The following UNCX variants were observed in gnomAD, a reference collection of about 807,000 sequenced individuals.
UNCX encodes the protein UNC homeobox, also known as homeobox protein unc-4 homolog.
In UNCX, 4 loss-of-function variants were observed where a neutral mutation model predicts 14.8. That is an observed-to-expected ratio of 0.27 (90% CI 0.13 to 0.62). The LOEUF is 0.62. Among genes scored for constraint, UNCX ranks in the 20% least tolerant of loss-of-function variants. The probability of loss-of-function intolerance (pLI) is 0.86; values close to 1 mark genes in which losing one functional copy is unlikely to be tolerated. For missense variants in UNCX, 749 were observed against 786.8 expected (o/e 0.95, Z 0.58); for synonymous variants, 459 against 395.8 (o/e 1.16, Z -1.90).
chr7:1,236,514 T>C lies in UNCX; in HGVS notation c.1133T>C (p.Phe378Ser). The C allele has an allele frequency of 1.4e-6, 2 of 1,404,808 alleles. No homozygotes were observed. The highest frequency in any genetic ancestry group is 1.3e-5 in the South Asian group (1 of 74,332). The allele number at this position is 1,404,808 out of a possible 1,614,324, so 87.0% of individuals were successfully genotyped here. Residue 378 changes from phenylalanine to serine, a missense_variant, in exon 3 of 3, where the codon TTC (phenylalanine) becomes TCC (serine). Around this residue, in one of 3 missense-constraint regions of UNCX, gnomAD observed 552 missense variants for 507.2 expected, o/e 1.09. Coordinates refer to ENST00000316333, the MANE Select transcript of UNCX (RefSeq NM_001080461.3). The surrounding 1 kb of genome is among the most constrained non-coding windows in gnomAD (Gnocchi z 6.9). Reference sequence around the variant, plus strand: ...CGGACCCTGATCGGCAAGGGCCACTTCCTCCTCTACCCCATCACGCAGCCG... The same window carrying C: ...CGGACCCTGATCGGCAAGGGCCACTCCCTCCTCTACCCCATCACGCAGCCG... The part of the protein sequence containing the change: ...APRTLIGKGH[F>S]LLYPITQPLG...
chr7:1,236,450 G>C lies in UNCX; in HGVS notation c.1069G>C (p.Ala357Pro). The C allele has an allele frequency of 7.3e-7, 1 of 1,368,838 alleles. No individual in the cohort carries two copies. The highest frequency in any genetic ancestry group is 9.4e-7 in the Non-Finnish European group (1 of 1,061,420). 84.8% of individuals were successfully genotyped at this position (1,368,838 alleles called of 1,614,324 possible). Residue 357 changes from alanine (A) to proline (P), a missense_variant, in exon 3 of 3, where the codon GCG becomes CCG. Ala to Pro is a conservative substitution (Grantham distance 27). This residue lies in a region of UNCX where 552 missense variants were observed against 507.2 expected (regional missense o/e 1.09). Transcript: ENST00000316333. The surrounding 1 kb of genome is among the most constrained non-coding windows in gnomAD (Gnocchi z 6.9). The stretch of plus-strand genomic sequence containing the variant: ...TTCCAACGCCGCCGCCGCCGCCGCC[G>C]CGGGGCTGGACTTCGCGCCCGGGCT... ...AASNAAAAAAAGLDFAPGLPC... is the reference protein window; with the variant it reads ...AASNAAAAAAPGLDFAPGLPC...
Position 1,233,234 on chromosome 7 carries a change from C to A in UNCX, c.217C>A (p.Pro73Thr). The part of the protein sequence containing the change: ...AAAASVVNPT[P>T]LLPAACGVGG... Reference sequence around the variant, plus strand: ...CGCCGCCTCGGTGGTCAACCCCACGCCGCTGCTGCCAGCCGCCTGCGGGGT... The same window carrying A: ...CGCCGCCTCGGTGGTCAACCCCACGACGCTGCTGCCAGCCGCCTGCGGGGT... Residue 73 changes from proline to threonine, a missense_variant, in exon 1 of 3, where the codon CCG becomes ACG. Pro to Thr is a conservative substitution (Grantham distance 38, BLOSUM62 -1). This residue lies in a region of UNCX where 155 missense variants were observed against 166.7 expected (regional missense o/e 0.93). Transcript: ENST00000316333. The surrounding 1 kb of genome is among the most constrained non-coding windows in gnomAD (Gnocchi z 5.3). 1 of 1,393,866 alleles carries A rather than the reference C, an allele frequency of 7.2e-7. No individual in the cohort carries two copies. The highest frequency in any genetic ancestry group is 9.3e-7 in the Non-Finnish European group (1 of 1,078,492). The allele number at this position is 1,393,866 out of a possible 1,614,324, so 86.3% of individuals were successfully genotyped here. A position where few individuals can be genotyped will look rare whatever the true frequency, so the allele number is the denominator to read the frequency against.
In UNCX at chr7:1,233,165, G is replaced by A; in HGVS notation, c.148G>A (p.Val50Met). 1.4e-6 allele frequency: 2 copies of A among 1,463,964 alleles called. No individual in the cohort carries two copies. Among genetic ancestry groups the A allele is most frequent in the Non-Finnish European group, 9.0e-7 (1 of 1,111,934 alleles). The allele number at this position is 1,463,964 out of a possible 1,614,324, so 90.7% of individuals were successfully genotyped here. ...GCAGTCGGCCGCCGCCGCCGCCTCG[G>A]TGCCCTTCTCCATCGACGGCCTGCT... is the stretch of plus-strand genomic sequence containing the variant. ...QLQSAAAAAS[V>M]PFSIDGLLGG... is the part of the protein sequence containing the mutation. The change falls in exon 1 of 3, where the codon GTG (valine) becomes ATG (methionine). Residue 50 changes from valine (V) to methionine (M), a missense_variant. Val to Met is a conservative substitution (Grantham distance 21). This residue lies in a region of UNCX where 155 missense variants were observed against 166.7 expected (regional missense o/e 0.93). Transcript: ENST00000316333. This position sits in a 1 kb window ranked among gnomAD's most constrained non-coding sequence, Gnocchi z 5.3.
chr7:1,233,217 C>T lies in UNCX; in HGVS notation c.200C>T (p.Ser67Leu), dbSNP rs1310137191. ...LLGGSCAAAA[S>L]VVNPTPLLPA... Reference sequence around the variant, plus strand: ...GGGGGCTCGTGCGCCGCCGCCGCCTCGGTGGTCAACCCCACGCCGCTGCTG... The same window carrying T: ...GGGGGCTCGTGCGCCGCCGCCGCCTTGGTGGTCAACCCCACGCCGCTGCTG... The change falls in exon 1 of 3, where the codon TCG becomes TTG. Residue 67 changes from serine (S) to leucine (L), a missense_variant. Around this residue, in one of 3 missense-constraint regions of UNCX, gnomAD observed 155 missense variants for 166.7 expected, o/e 0.93. Transcript: ENST00000316333. This position sits in a 1 kb window ranked among gnomAD's most constrained non-coding sequence, Gnocchi z 5.3. 1 of 1,438,360 alleles carries T rather than the reference C, an allele frequency of 7.0e-7. No homozygotes were observed. Among genetic ancestry groups the T allele is most frequent in the South Asian group, 1.3e-5 (1 of 74,198 alleles). The allele number at this position is 1,438,360 out of a possible 1,614,324, so 89.1% of individuals were successfully genotyped here.
Position 1,236,397 on chromosome 7 carries a change from C to G in UNCX, c.1016C>G (p.Ser339Cys). The G allele has an allele frequency of 1.5e-6, 2 of 1,371,884 alleles. No individual in the cohort carries two copies. The highest frequency in any genetic ancestry group is 1.5e-5 in the South Asian group (1 of 68,334). 85.0% of individuals were successfully genotyped at this position (1,371,884 alleles called of 1,614,324 possible). A position where few individuals can be genotyped will look rare whatever the true frequency, so the allele number is the denominator to read the frequency against. ...ASPFSVESLLSDSPPRRKAAS... is the reference protein window; with the variant it reads ...ASPFSVESLLCDSPPRRKAAS... ...CCATTCAGCGTGGAGAGCCTCCTGTCCGACTCGCCGCCGCGCCGGAAAGCC... is the reference window on the plus strand; with the variant it reads ...CCATTCAGCGTGGAGAGCCTCCTGTGCGACTCGCCGCCGCGCCGGAAAGCC... The change falls in exon 3 of 3, where the codon TCC becomes TGC. Residue 339 changes from serine to cysteine, a missense_variant. Ser to Cys is a moderately radical substitution (Grantham distance 112). Transcript: ENST00000316333. This position sits in a 1 kb window ranked among gnomAD's most constrained non-coding sequence, Gnocchi z 6.9.
chr7:1,235,719 C>T (rs1309134052), intron 2 of UNCX, 113 bp from the exon 3 acceptor site: 2 of 994,354 alleles, frequency 2.0e-6, no homozygotes, highest in South Asian at 1.7e-5. Context: ...CACTCCTGCC[C>T]CGGCCGAGCG....
At position 1,233,835 on chromosome 7, in the gene UNCX, G is replaced by A. The variant is rs1344487502; in HGVS notation, c.450+140G>A. Reference sequence around the variant, plus strand: ...CGCTCGCCTGCTGGGGAAGAGTGGAGGGGTGGGGGTTCTGGGGCTCGGCCC... The same window carrying A: ...CGCTCGCCTGCTGGGGAAGAGTGGAAGGGTGGGGGTTCTGGGGCTCGGCCC... On this transcript the variant is annotated intron_variant, in intron 2 of 2. Transcript: ENST00000316333. The surrounding 1 kb of genome is among the most constrained non-coding windows in gnomAD (Gnocchi z 5.3). 7.3e-6 allele frequency: 8 copies of A among 1,100,360 alleles called. No homozygotes were observed. The highest frequency in any genetic ancestry group is 1.0e-5 in the Non-Finnish European group (8 of 802,948). 68.2% of individuals were successfully genotyped at this position (1,100,360 alleles called of 1,614,324 possible). A position where few individuals can be genotyped will look rare whatever the true frequency, so the allele number is the denominator to read the frequency against.
chr7:1,233,078 G>A lies in UNCX; in HGVS notation c.61G>A (p.Val21Met), dbSNP rs761010698. ...CCAGTTCGGGGGCTCGCTGGGCGGCGTGGTGGGCTTCCCCTACCCGCTGGG... is the reference window on the plus strand; with the variant it reads ...CCAGTTCGGGGGCTCGCTGGGCGGCATGGTGGGCTTCCCCTACCCGCTGGG... ...HAQFGGSLGG[V>M]VGFPYPLGHH... is the part of the protein sequence containing the mutation. Residue 21 changes from valine (V) to methionine (M), a missense_variant, in exon 1 of 3, where the codon GTG becomes ATG. Physicochemically the swap from Val to Met is conservative, Grantham distance 21. Coordinates refer to ENST00000316333, the MANE Select transcript of UNCX (RefSeq NM_001080461.3). This position sits in a 1 kb window ranked among gnomAD's most constrained non-coding sequence, Gnocchi z 5.3. 4 of 1,438,360 alleles carry A rather than the reference G, an allele frequency of 2.8e-6. No homozygotes were observed. The highest frequency in any genetic ancestry group is 1.3e-5 in the South Asian group (1 of 74,346). The allele number at this position is 1,438,360 out of a possible 1,614,324, so 89.1% of individuals were successfully genotyped here.
In UNCX at chr7:1,233,777, G is replaced by A; in HGVS notation, c.450+82G>A. On this transcript the variant is annotated intron_variant, in intron 2 of 2. Transcript: ENST00000316333. The surrounding 1 kb of genome is among the most constrained non-coding windows in gnomAD (Gnocchi z 5.3). ...CCGGGACGCCTTTGTTCCAGGTGGCGAGATATCGTCCCCTTGCCGCGGGCC... is the reference window on the plus strand; with the variant it reads ...CCGGGACGCCTTTGTTCCAGGTGGCAAGATATCGTCCCCTTGCCGCGGGCC... 1.3e-6 allele frequency: 2 copies of A among 1,492,802 alleles called. No homozygotes were observed. Among genetic ancestry groups the A allele is most frequent in the South Asian group, 2.6e-5 (2 of 77,532 alleles). The allele number at this position is 1,492,802 out of a possible 1,614,324, so 92.5% of individuals were successfully genotyped here.
chr7:1,235,270 G>C (rs368662365), intron 2 of UNCX, among the ~76,000 whole-genome samples: 5 of 152,254 alleles, frequency 3.3e-5, no homozygotes, highest in African/African-American at 1.2e-4. Context: ...CCCAAGTACG[G>C]CTCCCCAGGC....
intron 2 of UNCX, among the ~76,000 whole-genome samples, chr7:1,234,192 T>C (rs1363432152): frequency 6.6e-6 from 1 of 152,236 alleles, no homozygotes; most frequent in Non-Finnish European, 1.5e-5. Flanking sequence ...AACATGTATT[T>C]ATTCATCGCT....
Position 1,236,062 on chromosome 7 carries a change from G to A in UNCX, c.681G>A (p.Leu227=). 6.3e-7 allele frequency: 1 copy of A among 1,593,492 alleles called. No homozygotes were observed. The highest frequency in any genetic ancestry group is 8.5e-7 in the Non-Finnish European group (1 of 1,171,356). ...RHLHSPGGLS[L]HSAPSSDSDS... The stretch of plus-strand genomic sequence containing the variant: ...TGCACTCGCCCGGCGGCCTGTCCCT[G>A]CACAGCGCGCCCAGCTCCGACAGCG... Residue 227 remains leucine (L), a synonymous_variant, in exon 3 of 3, where the codon CTG becomes CTA. Coordinates refer to ENST00000316333, the MANE Select transcript of UNCX (RefSeq NM_001080461.3). This position sits in a 1 kb window ranked among gnomAD's most constrained non-coding sequence, Gnocchi z 6.9.
Position 1,236,980 on chromosome 7 carries a change from C to A in UNCX, c.*3C>A. ...GCGAGGAGCTGGACATGGACTGAGG[C>A]CGCGGCGGCCGGGAGAGGCGCGTAG... On this transcript the variant is annotated 3_prime_UTR_variant, in exon 3 of 3. Coordinates refer to ENST00000316333, the MANE Select transcript of UNCX (RefSeq NM_001080461.3). The surrounding 1 kb of genome is among the most constrained non-coding windows in gnomAD (Gnocchi z 6.9). The A allele has an allele frequency of 5.9e-6, 7 of 1,189,776 alleles. No individual in the cohort carries two copies. The highest frequency in any genetic ancestry group is 7.3e-6 in the Non-Finnish European group (7 of 960,350). 73.7% of individuals were successfully genotyped at this position (1,189,776 alleles called of 1,614,324 possible). A position where few individuals can be genotyped will look rare whatever the true frequency, so the allele number is the denominator to read the frequency against.
chr7:1,236,689 C>G lies in UNCX; in HGVS notation c.1308C>G (p.Asp436Glu), dbSNP rs1272161638. The G allele has an allele frequency of 1.9e-5, 19 of 1,005,162 alleles. No individual in the cohort carries two copies. Among genetic ancestry groups the G allele is most frequent in the Admixed American group, 6.0e-5 (1 of 16,668 alleles). 62.3% of individuals were successfully genotyped at this position (1,005,162 alleles called of 1,614,324 possible). Reference protein sequence around the residue: ...GAFSGPGGAPDSAFARRSPDA... With the variant: ...GAFSGPGGAPESAFARRSPDA... ...TCTCGGGGCCCGGCGGCGCCCCGGA[C>G]TCGGCCTTCGCGCGTCGCAGCCCCG... Residue 436 changes from aspartate to glutamate, a missense_variant, in exon 3 of 3, where the codon GAC becomes GAG. Transcript: ENST00000316333. This position sits in a 1 kb window ranked among gnomAD's most constrained non-coding sequence, Gnocchi z 6.9.
chr7:1,233,463 TGG>T lies in UNCX; in HGVS notation c.275-53_275-52del. ...GCCAGCGGGTAGCGGGAGGGAGGGG[TGG>T]GGGTCGGGCCTGGGCCGGTGGCTGA... On this transcript the variant is annotated intron_variant, in intron 1 of 2. Transcript: ENST00000316333. The surrounding 1 kb of genome is among the most constrained non-coding windows in gnomAD (Gnocchi z 5.3). 1.0e-6 allele frequency: 1 copy of T among 1,001,662 alleles called. No homozygotes were observed. Among genetic ancestry groups the T allele is most frequent in the East Asian group, 4.2e-5 (1 of 23,766 alleles). 62.0% of individuals were successfully genotyped at this position (1,001,662 alleles called of 1,614,324 possible).
chr7:1,233,461 G>T lies in UNCX; in HGVS notation c.275-59G>T. ...CGGCCAGCGGGTAGCGGGAGGGAGG[G>T]GTGGGGGTCGGGCCTGGGCCGGTGG... On this transcript the variant is annotated intron_variant, in intron 1 of 2. Transcript: ENST00000316333. This position sits in a 1 kb window ranked among gnomAD's most constrained non-coding sequence, Gnocchi z 5.3. The T allele has an allele frequency of 6.8e-7, 1 of 1,464,752 alleles. No individual in the cohort carries two copies. Among genetic ancestry groups the T allele is most frequent in the Non-Finnish European group, 9.0e-7 (1 of 1,109,722 alleles). The allele number at this position is 1,464,752 out of a possible 1,614,324, so 90.7% of individuals were successfully genotyped here. A position where few individuals can be genotyped will look rare whatever the true frequency, so the allele number is the denominator to read the frequency against.
chr7:1,233,785 G>A lies in UNCX; in HGVS notation c.450+90G>A. The A allele has an allele frequency of 2.1e-6, 3 of 1,459,686 alleles. No individual in the cohort carries two copies. Among genetic ancestry groups the A allele is most frequent in the Non-Finnish European group, 1.8e-6 (2 of 1,093,660 alleles). 90.4% of individuals were successfully genotyped at this position (1,459,686 alleles called of 1,614,324 possible). ...CCTTTGTTCCAGGTGGCGAGATATC[G>A]TCCCCTTGCCGCGGGCCCGCTTCGC... On this transcript the variant is annotated intron_variant, in intron 2 of 2. Transcript: ENST00000316333. This position sits in a 1 kb window ranked among gnomAD's most constrained non-coding sequence, Gnocchi z 5.3.
chr7:1,235,796 G>A lies in UNCX; in HGVS notation c.451-36G>A, dbSNP rs1306689576. 2.5e-6 allele frequency: 4 copies of A among 1,587,194 alleles called. No homozygotes were observed. The African/African-American group carries it at 5.4e-5, about 21-fold the overall frequency. On this transcript the variant is annotated intron_variant, in intron 2 of 2. Coordinates refer to ENST00000316333, the MANE Select transcript of UNCX (RefSeq NM_001080461.3). ...GGCCCCGGCGGCCAGCCCGCCGCCTGATTGTGGCTTCCTCTCCCCTATCCG... is the reference window on the plus strand; with the variant it reads ...GGCCCCGGCGGCCAGCCCGCCGCCTAATTGTGGCTTCCTCTCCCCTATCCG...
Position 1,236,011 on chromosome 7 carries a change from G to A in UNCX, c.630G>A (p.Lys210=). The part of the protein sequence containing the change: ...MEKKKRKHEK[K]LLKSQGRHLH... ...AGAAGAAGCGCAAGCACGAGAAGAA[G>A]CTGCTGAAGAGCCAGGGCCGCCACT... The change falls in exon 3 of 3, where the codon AAG becomes AAA. Residue 210 remains lysine (K), a synonymous_variant. Coordinates refer to ENST00000316333, the MANE Select transcript of UNCX (RefSeq NM_001080461.3). The surrounding 1 kb of genome is among the most constrained non-coding windows in gnomAD (Gnocchi z 6.9). 6.2e-7 allele frequency: 1 copy of A among 1,607,666 alleles called. No homozygotes were observed. The highest frequency in any genetic ancestry group is 8.5e-7 in the Non-Finnish European group (1 of 1,178,042).
Sources: gnomAD v4.1 joint callset for allele counts (sites outside exome capture counted in the v4.1 genomes callset) on GRCh38, gnomAD v4.1.1 for gene constraint, gnomAD v4.1.1 regional missense constraint, Gnocchi (gnomAD v3.1) non-coding constraint, MANE v1.5 for transcripts, NCBI Gene and HGNC (gene_info 2026-07-23, HGNC 2026-07-21) for gene names.